UBE2E1: variants seen among roughly 807,000 people sequenced by gnomAD.
The protein encoded by UBE2E1 is ubiquitin conjugating enzyme E2 E1.
Under a neutral mutation model 21.4 loss-of-function variants are expected in UBE2E1, and 6 were observed. The ratio of observed to expected loss-of-function variants is 0.28; its 90% CI spans 0.15 to 0.55. The LOEUF is 0.55. Ranked by LOEUF, UBE2E1 falls within the 20% of genes least tolerant of loss-of-function variation. The pLI, the probability that UBE2E1 is intolerant of heterozygous loss-of-function variation, is 0.93. For missense variants in UBE2E1, 142 were observed against 236.5 expected (o/e 0.60, Z 2.62); for synonymous variants, 87 against 82.7 (o/e 1.05, Z -0.28).
rs55941535 is a variant in UBE2E1 at position 23,842,198 on chromosome 3, GGT to G, written c.203+30738_203+30739del. Among the ~76,000 whole-genome samples, 3,047 of 104,008 alleles carry G rather than the reference GGT, an allele frequency of 0.029. 100 individuals are homozygous for G. The highest frequency in any genetic ancestry group is 0.063 in the Middle Eastern group (11 of 174). 68.2% of individuals were successfully genotyped at this position (104,008 alleles called of 152,430 possible). ...TATGTCATGACCCAGTAAGTGAAGG[GGT>G]GTGTGTGTGTGTGTGTGTGTGTGTG... On this transcript the variant is annotated intron_variant, in intron 3 of 5. Transcript: ENST00000306627. This position sits in a 1 kb window ranked among gnomAD's most constrained non-coding sequence, Gnocchi z 4.6.
intron 3 of UBE2E1, among the ~76,000 whole-genome samples, chr3:23,847,486 AAATTTTTTT>A (rs1289005982): frequency 2.1e-5 from 3 of 140,944 alleles, no homozygotes; most frequent in African/African-American, 7.8e-5. Flanking sequence ...CATGTACTTT[AAATTTTTTT>A]TTTTTTTTTT....
intron 3 of UBE2E1, among the ~76,000 whole-genome samples, chr3:23,822,712 C>T (rs1699670048): frequency 6.6e-6 from 1 of 152,160 alleles, no homozygotes; most frequent in African/African-American, 2.4e-5. Context: ...TGATTTGCAT[C>T]GACCTTTTGT....
In UBE2E1 at chr3:23,816,121, T is replaced by G. The variant is rs1448843512; in HGVS notation, c.203+4611T>G. 6.6e-6 allele frequency among the ~76,000 whole-genome samples: 1 copy of G among 152,224 alleles called. No homozygotes were observed. Among genetic ancestry groups the G allele is most frequent in the Non-Finnish European group, 1.5e-5 (1 of 68,046 alleles). On this transcript the variant is annotated intron_variant, in intron 3 of 5. Transcript: ENST00000306627. The surrounding 1 kb of genome is among the most constrained non-coding windows in gnomAD (Gnocchi z 4.8). ...GTTTACCAAAAGACTATATCTGGATTGTAAAACTGTACTATTGTTATTCCT... is the reference window on the plus strand; with the variant it reads ...GTTTACCAAAAGACTATATCTGGATGGTAAAACTGTACTATTGTTATTCCT...
intron 3 of UBE2E1, among the ~76,000 whole-genome samples, chr3:23,817,536 A>G (rs1202453544): frequency 6.6e-6 from 1 of 152,198 alleles, no homozygotes; most frequent in Non-Finnish European, 1.5e-5. Flanking sequence ...GGAAATATAA[A>G]TATTATTTGG....
In UBE2E1 at chr3:23,890,829, T is replaced by C; in HGVS notation, c.*223T>C. ...TAAAATTGTCATTAGTTCTGCAATA[T>C]TAGCTGAAATGTAGTACAGAAAAGA... On this transcript the variant is annotated 3_prime_UTR_variant, in exon 6 of 6. Coordinates refer to ENST00000306627, the MANE Select transcript of UBE2E1 (RefSeq NM_003341.5). 1 of 412,152 alleles carries C rather than the reference T, an allele frequency of 2.4e-6. No homozygotes were observed. Among genetic ancestry groups the C allele is most frequent in the Non-Finnish European group, 4.3e-6 (1 of 233,084 alleles). 25.5% of individuals were successfully genotyped at this position (412,152 alleles called of 1,614,324 possible).
chr3:23,858,295 C>T (rs1420299960), intron 3 of UBE2E1, among the ~76,000 whole-genome samples: 1 of 152,054 alleles, frequency 6.6e-6, no homozygotes. Flanking sequence ...AGGGAGGATA[C>T]TTTTTAATCA....
At chr3:23,890,481 C>T (rs777544844) in intron 5 of UBE2E1, 28 bp from the exon 6 acceptor site, 2 of 1,598,442 alleles carry the variant, frequency 1.3e-6, no homozygotes, top group South Asian at 2.3e-5. Context: ...TTCCTTTCTC[C>T]AAAGTAATCT....
At chr3:23,855,008 A>C (rs895314416) in intron 3 of UBE2E1, among the ~76,000 whole-genome samples, 3 of 152,242 alleles carry the variant, frequency 2.0e-5, no homozygotes, top group African/African-American at 7.2e-5. Context: ...TAGAGCCGTA[A>C]TTATTTTGTG....
rs1298756513 is a variant in UBE2E1 at position 23,863,924 on chromosome 3, T to C, written c.204-23643T>C. ...CTGCTAACTCTGTTTATAGCTGTCA[T>C]ACCGGATTCTCGTGTCACTGTCTTT... On this transcript the variant is annotated intron_variant, in intron 3 of 5. Coordinates refer to ENST00000306627, the MANE Select transcript of UBE2E1 (RefSeq NM_003341.5). This position sits in a 1 kb window ranked among gnomAD's most constrained non-coding sequence, Gnocchi z 4.3. Among the ~76,000 whole-genome samples the C allele has an allele frequency of 6.6e-6, 1 of 152,228 alleles. No homozygotes were observed. Among genetic ancestry groups the C allele is most frequent in the Non-Finnish European group, 1.5e-5 (1 of 68,036 alleles).
chr3:23,839,073 T>C (rs578010613), intron 3 of UBE2E1, among the ~76,000 whole-genome samples: 134 of 152,276 alleles, frequency 8.8e-4, no homozygotes, highest in African/African-American at 3.1e-3. Flanking sequence ...TCTCCCAGCA[T>C]TAGTGCTGTT....
At chr3:23,840,421 G>A (rs1700061743) in intron 3 of UBE2E1, among the ~76,000 whole-genome samples, 1 of 152,272 alleles carries the variant, frequency 6.6e-6, no homozygotes, top group South Asian at 2.1e-4. Flanking sequence ...GAGCTTTGTC[G>A]TAAGGTGCAG....
chr3:23,849,467 C>T (rs190163941), intron 3 of UBE2E1, among the ~76,000 whole-genome samples: 3 of 152,270 alleles, frequency 2.0e-5, no homozygotes, highest in East Asian at 3.9e-4. Context: ...TTTTAAGCCC[C>T]TCATACATTA....
In UBE2E1 at chr3:23,846,939, C is replaced by T. The variant is rs140261380; in HGVS notation, c.203+35429C>T. On this transcript the variant is annotated intron_variant, in intron 3 of 5. Transcript: ENST00000306627. ...CTGCTATCTTGAAATATTCTAAGGG[C>T]AGGGGCCAGGTAGGCTGTGCGAGGT... 1.0e-3 allele frequency among the ~76,000 whole-genome samples: 157 copies of T among 151,708 alleles called. 2 individuals carry two copies. Among genetic ancestry groups the T allele is most frequent in the African/African-American group, 3.5e-3 (143 of 41,324 alleles).
rs1701402027 is a variant in UBE2E1, at chr3:23,890,846, C to G, written c.*240C>G. The G allele has an allele frequency of 2.8e-6, 1 of 359,118 alleles. No individual in the cohort carries two copies. Among genetic ancestry groups the G allele is most frequent in the African/African-American group, 2.1e-5 (1 of 47,376 alleles). 22.2% of individuals were successfully genotyped at this position (359,118 alleles called of 1,614,324 possible). A position where few individuals can be genotyped will look rare whatever the true frequency, so the allele number is the denominator to read the frequency against. On this transcript the variant is annotated 3_prime_UTR_variant, in exon 6 of 6. Transcript: ENST00000306627. Reference sequence around the variant, plus strand: ...CTGCAATATTAGCTGAAATGTAGTACAGAAAAGAATGTACATTTAGACATT... The same window carrying G: ...CTGCAATATTAGCTGAAATGTAGTAGAGAAAAGAATGTACATTTAGACATT...
chr3:23,866,799 A>G (rs1014214577), intron 3 of UBE2E1, among the ~76,000 whole-genome samples: 3 of 152,238 alleles, frequency 2.0e-5, no homozygotes, highest in Admixed American at 2.0e-4. Context: ...CTTTTGGCAG[A>G]TCACAAGATT....
intron 3 of UBE2E1, among the ~76,000 whole-genome samples, chr3:23,826,977 G>A (rs1699771463): frequency 6.6e-6 from 1 of 152,188 alleles, no homozygotes; most frequent in South Asian, 2.1e-4. Context: ...ATTTCTTGCA[G>A]AAGGGTCATT....
chr3:23,853,214 G>A lies in UBE2E1; in HGVS notation c.204-34353G>A, dbSNP rs1036739844. Among the ~76,000 whole-genome samples the A allele has an allele frequency of 2.0e-5, 3 of 152,176 alleles. No homozygotes were observed. The highest frequency in any genetic ancestry group is 7.2e-5 in the African/African-American group (3 of 41,438). ...AGCTGCCTTATTTCTTTTTCTTGCT[G>A]TAATTCACCTGGCTACAACTTCCAG... On this transcript the variant is annotated intron_variant, in intron 3 of 5. Coordinates refer to ENST00000306627, the MANE Select transcript of UBE2E1 (RefSeq NM_003341.5). This position sits in a 1 kb window ranked among gnomAD's most constrained non-coding sequence, Gnocchi z 4.1.
intron 4 of UBE2E1, among the ~76,000 whole-genome samples, chr3:23,888,863 G>C (rs1367453407): frequency 1.3e-5 from 2 of 152,162 alleles, no homozygotes; most frequent in African/African-American, 2.4e-5. Flanking sequence ...ATATTTAAAA[G>C]ATTTAAAATT....
chr3:23,888,173 C>A, intron 4 of UBE2E1: 1 of 455,384 alleles, frequency 2.2e-6, no homozygotes, highest in Non-Finnish European at 4.4e-6. Context: ...ATCAGAATCT[C>A]TTCCCAAAGC....
Sources: allele counts gnomAD v4.1 joint callset (sites outside exome capture counted in the v4.1 genomes callset), GRCh38; gene constraint gnomAD v4.1.1; non-coding constraint Gnocchi (gnomAD v3.1); transcripts MANE v1.5; gene names NCBI Gene and HGNC (gene_info 2026-07-23, HGNC 2026-07-21).